PAM16: variants seen among roughly 807,000 people sequenced by gnomAD.
PAM16 encodes mitochondrial import inner membrane translocase subunit TIM16.
PAM16 carries 11 observed loss-of-function variants against 17.9 expected under a neutral mutation model. The ratio of observed to expected loss-of-function variants is 0.62; its 90% CI spans 0.39 to 1.02. The LOEUF (loss-of-function observed/expected upper bound fraction) is 1.02, where lower values mean the gene tolerates loss of function less well. PAM16 is among the 50% of genes least tolerant of loss of function. The probability of loss-of-function intolerance (pLI) is 0.01; values close to 1 mark genes in which losing one functional copy is unlikely to be tolerated. For synonymous variants in PAM16, 72 were observed against 67.4 expected, an observed-to-expected ratio of 1.07 and a Z score of -0.34; for missense variants, 199 against 165.4, an observed-to-expected ratio of 1.20 and a Z score of -1.11.
At chr16:4,343,592 C>G in intron 1 of PAM16, 1 of 1,376,300 alleles carries the variant, frequency 7.3e-7, no homozygotes, top group Non-Finnish European at 9.3e-7. Flanking sequence ...CTGCAACCAC[C>G]GGCTTCAGGA....
chr16:4,350,713 T>C (rs2141158287), intron 1 of PAM16, among the ~76,000 whole-genome samples: 1 of 152,248 alleles, frequency 6.6e-6, no homozygotes, highest in East Asian at 1.9e-4. Flanking sequence ...CCTGCACTTT[T>C]AAAGCTACCC....
intron 1 of PAM16, among the ~76,000 whole-genome samples, chr16:4,348,986 GCT>G (rs2053803371): frequency 8.6e-6 from 1 of 116,480 alleles, no homozygotes; most frequent in African/African-American, 3.4e-5. Flanking sequence ...ACGGAGTCTT[GCT>G]CTGTCACCCA....
chr16:4,343,324 C>G (rs2053679943), intron 1 of PAM16, 33 bp from the exon 2 acceptor site: 1 of 1,574,196 alleles, frequency 6.4e-7, no homozygotes. Context: ...GTTAGCAGGC[C>G]ACTCCCTGTG....
chr16:4,343,955 A>C (rs937329891), intron 1 of PAM16: 1 of 398,152 alleles, frequency 2.5e-6, no homozygotes, highest in African/African-American at 2.1e-5. Context: ...ATCTGCTGAG[A>C]GTCTACTCTG....
At chr16:4,349,923 A>C (rs956337658) in intron 1 of PAM16, among the ~76,000 whole-genome samples, 1 of 152,128 alleles carries the variant, frequency 6.6e-6, no homozygotes, top group African/African-American at 2.4e-5. Context: ...AGGACTTCAT[A>C]AACACTAAAT....
chr16:4,350,425 G>A (rs1440193749), intron 1 of PAM16, among the ~76,000 whole-genome samples: 1 of 148,982 alleles, frequency 6.7e-6, no homozygotes, highest in East Asian at 2.0e-4. Flanking sequence ...TTTTTGAGAC[G>A]CAGTCTCACC....
At chr16:4,344,790 G>A in intron 1 of PAM16, among the ~76,000 whole-genome samples, 1 of 140,284 alleles carries the variant, frequency 7.1e-6, no homozygotes, top group Non-Finnish European at 1.5e-5. Flanking sequence ...TCTGTGAGAG[G>A]AGGGGATTGT....
intron 1 of PAM16, among the ~76,000 whole-genome samples, chr16:4,350,443 C>T (rs2053832645): frequency 6.6e-6 from 1 of 151,786 alleles, no homozygotes; most frequent in African/African-American, 2.4e-5. Flanking sequence ...ACCCTGTCGC[C>T]CAGGCTAGAG....
At chr16:4,343,342 A>G in intron 1 of PAM16, 51 bp from the exon 2 acceptor site, 1 of 1,556,640 alleles carries the variant, frequency 6.4e-7, no homozygotes, top group Non-Finnish European at 8.7e-7. Context: ...GTGGGCCCAC[A>G]GAGATGGGCC....
chr16:4,345,176 G>C (rs975900909), intron 1 of PAM16: 4 of 152,180 alleles, frequency 2.6e-5, no homozygotes, highest in Admixed American at 2.6e-4. Context: ...TAGGTTGAAA[G>C]CTCATGTGGC....
intron 1 of PAM16, chr16:4,346,047 T>A (rs923573668): frequency 7.9e-6 from 7 of 883,300 alleles, no homozygotes; most frequent in African/African-American, 1.8e-5. Context: ...AGGTCATAAC[T>A]GGGGAGCTTC....
In PAM16 at chr16:4,351,085, C is replaced by G. The variant is rs1039435969; in HGVS notation, c.3+147G>C. 3 of 383,570 alleles carry G rather than the reference C, an allele frequency of 7.8e-6. No individual in the cohort carries two copies. In the Admixed American group the frequency reaches 1.4e-4, roughly 18 times the overall value. The allele number at this position is 383,570 out of a possible 1,614,324, so 23.8% of individuals were successfully genotyped here. A position where few individuals can be genotyped will look rare whatever the true frequency, so the allele number is the denominator to read the frequency against. ...CCGCCGCTGCCGGCCTCGATTCCCCCGGGTGCAACGCCCCCAGACCATGCT... is the reference window on the plus strand; with the variant it reads ...CCGCCGCTGCCGGCCTCGATTCCCCGGGGTGCAACGCCCCCAGACCATGCT... On this transcript the variant is annotated intron_variant, in intron 1 of 4. Transcript: ENST00000318059.
intron 1 of PAM16, chr16:4,343,557 G>C (rs1394027825): frequency 7.1e-7 from 1 of 1,405,040 alleles, no homozygotes; most frequent in Non-Finnish European, 9.2e-7. Flanking sequence ...CTTCAGGAAA[G>C]GCGTAGAGGA....
At chr16:4,343,181 C>A (rs373972489) in intron 2 of PAM16, 26 bp downstream of exon 2, 1 of 1,612,114 alleles carries the variant, frequency 6.2e-7, no homozygotes, top group Non-Finnish European at 8.5e-7. Flanking sequence ...ACTCCCAGCC[C>A]ACAGGGGAGA....
intron 4 of PAM16, 141 bp from the exon 5 acceptor site, chr16:4,340,546 C>T: frequency 2.1e-6 from 2 of 942,274 alleles, no homozygotes; most frequent in South Asian, 3.2e-5. Context: ...TTCAGTGGCA[C>T]CCCAGGGTCG....
At position 4,343,234 on chromosome 16, in the gene PAM16, C is replaced by G. The variant is rs140616767; in HGVS notation, c.61G>C (p.Ala21Pro). 6.2e-7 allele frequency: 1 copy of G among 1,612,668 alleles called. No individual in the cohort carries two copies. Among genetic ancestry groups the G allele is most frequent in the Non-Finnish European group, 8.5e-7 (1 of 1,179,944 alleles). ...GCAAACTCCTGCCGCAAGGCCCGTGCAAAGGCCCTGCCCACCACCTGCACG... is the reference window on the plus strand; with the variant it reads ...GCAAACTCCTGCCGCAAGGCCCGTGGAAAGGCCCTGCCCACCACCTGCACG... Reference protein sequence around the residue: ...MGVQVVGRAFARALRQEFAAS... With the variant: ...MGVQVVGRAFPRALRQEFAAS... The change falls in exon 2 of 5, where the codon GCA becomes CCA. Residue 21 changes from alanine (A) to proline (P), a missense_variant. Physicochemically the swap from Ala to Pro is conservative, Grantham distance 27. Coordinates refer to ENST00000318059, the MANE Select transcript of PAM16 (RefSeq NM_016069.11).
chr16:4,346,357 G>C (rs1028050681), intron 1 of PAM16, among the ~76,000 whole-genome samples: 3 of 152,230 alleles, frequency 2.0e-5, no homozygotes, highest in Admixed American at 2.0e-4. Flanking sequence ...CACCAATAAA[G>C]CTGAGATAAT....
At chr16:4,345,882 G>A (rs372511565) in intron 1 of PAM16, 3 of 985,138 alleles carry the variant, frequency 3.0e-6, no homozygotes, top group African/African-American at 3.5e-5. Flanking sequence ...GAAAGTCAGA[G>A]GGTCCCCTCG....
At chr16:4,347,594 C>G (rs975427465) in intron 1 of PAM16, 1 of 152,458 alleles carries the variant, frequency 6.6e-6, no homozygotes, top group African/African-American at 2.4e-5. Flanking sequence ...ATCCACCTAT[C>G]CAGTACCCCA....
Sources: allele counts gnomAD v4.1 joint callset (sites outside exome capture counted in the v4.1 genomes callset), GRCh38; gene constraint gnomAD v4.1.1; transcripts MANE v1.5; gene names NCBI Gene and HGNC (gene_info 2026-07-23, HGNC 2026-07-21).